Variants in ZC3H7B observed in about 807,000 individuals in gnomAD.
ZC3H7B encodes the protein zinc finger CCCH domain-containing protein 7B.
Under a neutral mutation model 116.0 loss-of-function variants are expected in ZC3H7B, and 35 were observed. The ratio of observed to expected loss-of-function variants is 0.30; its 90% CI spans 0.23 to 0.40. ZC3H7B has a LOEUF of 0.40. ZC3H7B is among the 10% of genes least tolerant of loss of function. ZC3H7B has a pLI of 1.00. For missense variants in ZC3H7B, 1,011 were observed against 1,321.5 expected (o/e 0.77, Z 3.64); for synonymous variants, 502 against 545.6 (o/e 0.92, Z 1.11).
At chr22:41,321,643 G>C (rs540859581) in intron 2 of ZC3H7B, among the ~76,000 whole-genome samples, 33 of 152,090 alleles carry the variant, frequency 2.2e-4, no homozygotes, top group Middle Eastern at 3.4e-3. Context: ...GAGTCACTGT[G>C]CCTGGCCAAT....
At chr22:41,325,324 C>G (rs1226541557) in intron 2 of ZC3H7B, among the ~76,000 whole-genome samples, 1 of 152,000 alleles carries the variant, frequency 6.6e-6, no homozygotes, top group Non-Finnish European at 1.5e-5. Context: ...TGGGGTCAGT[C>G]TGCTCTTTCT....
In ZC3H7B at chr22:41,360,043, A is replaced by G. The variant is rs1335481224; in HGVS notation, c.*2614A>G. On this transcript the variant is annotated 3_prime_UTR_variant, in exon 23 of 23. Coordinates refer to ENST00000352645, the MANE Select transcript of ZC3H7B (RefSeq NM_017590.6). ...TATTCATAAGGTCTAGTATCTTGAT[A>G]ATAATGTAGATGTTTTAATAACAAT... 2 of 152,460 alleles carry G rather than the reference A, an allele frequency of 1.3e-5. No individual in the cohort carries two copies. Among genetic ancestry groups the G allele is most frequent in the Non-Finnish European group, 1.5e-5 (1 of 68,032 alleles). The allele number at this position is 152,460 out of a possible 1,614,324, so 9.4% of individuals were successfully genotyped here.
At position 41,338,958 on chromosome 22, in the gene ZC3H7B, C is replaced by T. The variant is rs761473813; in HGVS notation, c.626-43C>T. The T allele has an allele frequency of 6.7e-6, 10 of 1,493,290 alleles. No individual in the cohort carries two copies. Among genetic ancestry groups the T allele is most frequent in the East Asian group, 2.4e-5 (1 of 41,486 alleles). The allele number at this position is 1,493,290 out of a possible 1,614,324, so 92.5% of individuals were successfully genotyped here. Reference sequence around the variant, plus strand: ...GCCCGGGACGCCTCCTCCACCCTCACCAAGCAGTGCTCCCCTTCGGCTCTT... The same window carrying T: ...GCCCGGGACGCCTCCTCCACCCTCATCAAGCAGTGCTCCCCTTCGGCTCTT... On this transcript the variant is annotated intron_variant, in intron 8 of 22. Coordinates refer to ENST00000352645, the MANE Select transcript of ZC3H7B (RefSeq NM_017590.6). This position sits in a 1 kb window ranked among gnomAD's most constrained non-coding sequence, Gnocchi z 4.5.
chr22:41,343,636 C>T (rs1172506645), intron 13 of ZC3H7B, 60 bp downstream of exon 13: 4 of 1,494,352 alleles, frequency 2.7e-6, no homozygotes, highest in African/African-American at 2.8e-5. Context: ...CACCCCCAGC[C>T]GCTGCTCTAC....
At position 41,346,835 on chromosome 22, in the gene ZC3H7B, C is replaced by T. The variant is rs867143677; in HGVS notation, c.1665+627C>T. Among the ~76,000 whole-genome samples the T allele has an allele frequency of 6.6e-6, 1 of 151,836 alleles. No individual in the cohort carries two copies. The highest frequency in any genetic ancestry group is 2.4e-5 in the African/African-American group (1 of 41,318). On this transcript the variant is annotated intron_variant, in intron 14 of 22. Coordinates refer to ENST00000352645, the MANE Select transcript of ZC3H7B (RefSeq NM_017590.6). The surrounding 1 kb of genome is among the most constrained non-coding windows in gnomAD (Gnocchi z 5.3). The stretch of plus-strand genomic sequence containing the variant: ...AAAATTAGCTGGGCTTGGTGGCATG[C>T]GCCTCCCGTCCCAGTTACTCAGGAG...
In ZC3H7B at chr22:41,327,830, A is replaced by C. The variant is rs2036336852; in HGVS notation, c.444+466A>C. Among the ~76,000 whole-genome samples, 1 of 150,284 alleles carries C rather than the reference A, an allele frequency of 6.7e-6. No individual in the cohort carries two copies. The highest frequency in any genetic ancestry group is 2.5e-5 in the African/African-American group (1 of 40,626). ...GCTAATTCTGTTTAGTTCACAATTA[A>C]GACCCTTTCTTGGCCAGACACAGTG... On this transcript the variant is annotated intron_variant, in intron 5 of 22. Transcript: ENST00000352645. The surrounding 1 kb of genome is among the most constrained non-coding windows in gnomAD (Gnocchi z 4.5).
chr22:41,326,623 C>G (rs1601775297), intron 4 of ZC3H7B, among the ~76,000 whole-genome samples: 1 of 152,192 alleles, frequency 6.6e-6, no homozygotes, highest in African/African-American at 2.4e-5. Context: ...TCCTCCTCCT[C>G]CTCCTCTCCT....
chr22:41,330,669 C>T (rs1420580191), intron 6 of ZC3H7B, among the ~76,000 whole-genome samples: 1 of 152,092 alleles, frequency 6.6e-6, no homozygotes, highest in East Asian at 2.0e-4. Flanking sequence ...GGGCTGGACG[C>T]AGTGCCTCAT....
At chr22:41,312,466 A>G (rs995995764) in intron 1 of ZC3H7B, among the ~76,000 whole-genome samples, 2 of 150,808 alleles carry the variant, frequency 1.3e-5, no homozygotes, top group Non-Finnish European at 2.9e-5. Context: ...TAATAATAAT[A>G]CGTCCTACAC....
intron 12 of ZC3H7B, among the ~76,000 whole-genome samples, chr22:41,343,155 T>A (rs2036542455): frequency 6.6e-6 from 1 of 152,060 alleles, no homozygotes; most frequent in Non-Finnish European, 1.5e-5. Flanking sequence ...CCTGGGTGAC[T>A]GAGTGAGACT....
chr22:41,326,707 G>C (rs2036323908), intron 4 of ZC3H7B, among the ~76,000 whole-genome samples: 1 of 152,196 alleles, frequency 6.6e-6, no homozygotes, highest in African/African-American at 2.4e-5. Flanking sequence ...TCCTGTGGGA[G>C]GCTCTGCTGC....
At chr22:41,316,545 C>T (rs1391134215) in intron 1 of ZC3H7B, among the ~76,000 whole-genome samples, 1 of 148,732 alleles carries the variant, frequency 6.7e-6, no homozygotes, top group Non-Finnish European at 1.5e-5. Context: ...ATCCACGCAC[C>T]TTGGCCTCCG....
intron 2 of ZC3H7B, among the ~76,000 whole-genome samples, chr22:41,323,408 C>T (rs956450548): frequency 2.0e-5 from 3 of 152,244 alleles, no homozygotes; most frequent in African/African-American, 4.8e-5. Flanking sequence ...TGTCCCCAGC[C>T]TCAGTCACTG....
At chr22:41,304,929 C>T (rs1006126268) in intron 1 of ZC3H7B, among the ~76,000 whole-genome samples, 4 of 152,128 alleles carry the variant, frequency 2.6e-5, no homozygotes, top group African/African-American at 4.8e-5. Context: ...CTCTCAGATA[C>T]GTAAGCAAGA....
At chr22:41,332,091 C>G (rs2036390534) in intron 6 of ZC3H7B, 80 bp from the exon 7 acceptor site, 1 of 1,547,848 alleles carries the variant, frequency 6.5e-7, no homozygotes, top group Admixed American at 1.7e-5. Flanking sequence ...GTCAGGGCCT[C>G]TTTGCTGCCC....
rs940277504 is a variant in ZC3H7B, at chr22:41,339,116, C to A, written c.741C>A (p.Pro247=). ...LAPLDSSRTL[P]STDSLDDFSD... Reference sequence around the variant, plus strand: ...CCCTGGACAGCAGCAGGACCCTCCCCAGCACCGACAGCCTGGATGACTTCT... The same window carrying A: ...CCCTGGACAGCAGCAGGACCCTCCCAAGCACCGACAGCCTGGATGACTTCT... The change falls in exon 9 of 23, where the codon CCC becomes CCA. Residue 247 remains proline, a synonymous_variant. Coordinates refer to ENST00000352645, the MANE Select transcript of ZC3H7B (RefSeq NM_017590.6). The A allele has an allele frequency of 9.9e-6, 16 of 1,613,060 alleles. No homozygotes were observed. The highest frequency in any genetic ancestry group is 1.4e-5 in the Non-Finnish European group (16 of 1,179,610).
At chr22:41,331,063 G>T (rs2036375972) in intron 6 of ZC3H7B, among the ~76,000 whole-genome samples, 1 of 144,018 alleles carries the variant, frequency 6.9e-6, no homozygotes, top group Non-Finnish European at 1.5e-5. Context: ...TAGAGATGGG[G>T]TTTCACCGTG....
At position 41,342,589 on chromosome 22, in the gene ZC3H7B, G is replaced by A. The variant is rs1040884403; in HGVS notation, c.1258G>A (p.Glu420Lys). ...CAAGAACCCCTTGGCTGCCACCCAC[G>A]AGTTCAAGCAGGCCTGCCAGCTCTG... is the stretch of plus-strand genomic sequence containing the variant. Reference protein sequence around the residue: ...LIKNPLAATHEFKQACQLCYP... With the variant: ...LIKNPLAATHKFKQACQLCYP... Residue 420 changes from glutamate (E) to lysine (K), a missense_variant, in exon 12 of 23, where the codon GAG becomes AAG. Physicochemically the swap from Glu to Lys is moderately conservative, Grantham distance 56. Around this residue, in one of 5 missense-constraint regions of ZC3H7B, gnomAD observed 179 missense variants for 178.5 expected, o/e 1.00. Coordinates refer to ENST00000352645, the MANE Select transcript of ZC3H7B (RefSeq NM_017590.6). 4 of 1,613,240 alleles carry A rather than the reference G, an allele frequency of 2.5e-6. No homozygotes were observed. Among genetic ancestry groups the A allele is most frequent in the Admixed American group, 1.7e-5 (1 of 60,024 alleles).
At position 41,338,193 on chromosome 22, in the gene ZC3H7B, G is replaced by A. The variant is rs2036470127; in HGVS notation, c.583-120G>A. 1 of 1,045,626 alleles carries A rather than the reference G, an allele frequency of 9.6e-7. No individual in the cohort carries two copies. Among genetic ancestry groups the A allele is most frequent in the East Asian group, 2.6e-5 (1 of 38,674 alleles). The allele number at this position is 1,045,626 out of a possible 1,614,324, so 64.8% of individuals were successfully genotyped here. On this transcript the variant is annotated intron_variant, in intron 7 of 22. Coordinates refer to ENST00000352645, the MANE Select transcript of ZC3H7B (RefSeq NM_017590.6). The surrounding 1 kb of genome is among the most constrained non-coding windows in gnomAD (Gnocchi z 4.5). ...GCATGTGAGGGCTTTAATCTCCCCT[G>A]GCACTCTAAGTGCTCCTCGGTGCTG...
Sources: allele counts gnomAD v4.1 joint callset (sites outside exome capture counted in the v4.1 genomes callset), GRCh38; gene constraint gnomAD v4.1.1; regional missense constraint gnomAD v4.1.1; non-coding constraint Gnocchi (gnomAD v3.1); transcripts MANE v1.5; gene names NCBI Gene and HGNC (gene_info 2026-07-23, HGNC 2026-07-21).